The following B3GAT2 variants were observed in gnomAD, a reference collection of about 807,000 sequenced individuals.
B3GAT2 encodes the protein galactosylgalactosylxylosylprotein 3-beta-glucuronosyltransferase 2.
Under a neutral mutation model 27.8 loss-of-function variants are expected in B3GAT2, and 26 were observed. That is an observed-to-expected ratio of 0.93 (90% CI 0.68 to 1.30). The LOEUF (loss-of-function observed/expected upper bound fraction) is 1.30. Among genes scored for constraint, B3GAT2 ranks in the 50% most tolerant of loss-of-function variants. B3GAT2 has a pLI of 0.00. For missense variants in B3GAT2, 458 were observed against 459.0 expected, an observed-to-expected ratio of 1.00 and a Z score of 0.02; for synonymous variants, 218 against 195.1, an observed-to-expected ratio of 1.12 and a Z score of -0.98.
At chr6:70,926,805 A>G (rs1475999594) in intron 1 of B3GAT2, among the ~76,000 whole-genome samples, 1 of 152,218 alleles carries the variant, frequency 6.6e-6, no homozygotes, top group East Asian at 1.9e-4. Flanking sequence ...GCCAACATTC[A>G]AATTCAGGAA....
In B3GAT2 at chr6:70,956,434, C is replaced by A. The variant is rs778009460; in HGVS notation, c.-5G>T. 49 of 1,550,918 alleles carry A rather than the reference C, an allele frequency of 3.2e-5. No homozygotes were observed. Among genetic ancestry groups the A allele is most frequent in the Non-Finnish European group, 8.7e-7 (1 of 1,146,828 alleles). ...GGTGAAAAGCGCGGACTTCATGGTGCACGCTCCCTGGCCTCTCGGACACCC... is the reference window on the plus strand; with the variant it reads ...GGTGAAAAGCGCGGACTTCATGGTGAACGCTCCCTGGCCTCTCGGACACCC... On this transcript the variant is annotated 5_prime_UTR_variant, in exon 1 of 4. Transcript: ENST00000230053.
intron 2 of B3GAT2, among the ~76,000 whole-genome samples, chr6:70,863,252 C>G (rs921092295): frequency 1.3e-5 from 2 of 152,136 alleles, no homozygotes; most frequent in Admixed American, 6.5e-5. Context: ...ATTCAGTTTG[C>G]AAAGTAATAC....
chr6:70,926,216 C>T (rs1216074412), intron 1 of B3GAT2, among the ~76,000 whole-genome samples: 25 of 152,086 alleles, frequency 1.6e-4, no homozygotes, highest in East Asian at 1.3e-3. Context: ...CACAAAGATG[C>T]GGAGAAAACA....
At position 70,894,158 on chromosome 6, in the gene B3GAT2, C is replaced by T; in HGVS notation, c.706G>A (p.Ala236Thr). Residue 236 changes from alanine (A) to threonine (T), a missense_variant, in exon 2 of 4, where the codon GCA becomes ACA. Ala to Thr is a moderately conservative substitution (Grantham distance 58). Coordinates refer to ENST00000230053, the MANE Select transcript of B3GAT2 (RefSeq NM_080742.3). ...KVVGWYTGWR[A>T]DRPFAIDMAG... ...ATGTCGATGGCAAAAGGCCTGTCTG[C>T]TCTCCAGCCGGTGTACCAGCCAACA... 1.2e-6 allele frequency: 2 copies of T among 1,613,236 alleles called. No homozygotes were observed. Among genetic ancestry groups the T allele is most frequent in the Non-Finnish European group, 1.7e-6 (2 of 1,179,496 alleles).
In B3GAT2 at chr6:70,860,337, A is replaced by C. The variant is rs1562209116; in HGVS notation, c.*1326T>G. On this transcript the variant is annotated 3_prime_UTR_variant, in exon 4 of 4. Transcript: ENST00000230053. Reference sequence around the variant, plus strand: ...TCAGCACACAACTGTGGAAATGAAAACTGCAATACAAGTTTCATCCAGAAC... The same window carrying C: ...TCAGCACACAACTGTGGAAATGAAACCTGCAATACAAGTTTCATCCAGAAC... 2 of 1,603,946 alleles carry C rather than the reference A, an allele frequency of 1.2e-6. No homozygotes were observed. The highest frequency in any genetic ancestry group is 1.7e-6 in the Non-Finnish European group (2 of 1,176,236).
intron 1 of B3GAT2, among the ~76,000 whole-genome samples, chr6:70,930,561 T>C (rs1044580365): frequency 4.6e-5 from 7 of 150,920 alleles, no homozygotes; most frequent in African/African-American, 1.5e-4. Flanking sequence ...TCAAAAGACA[T>C]GCAGCCAACA....
rs138939993 is a variant in B3GAT2 at position 70,866,721 on chromosome 6, A to C, written c.737-4743T>G. The stretch of plus-strand genomic sequence containing the variant: ...AGTCAAAGGTGAATGAATGAGGGAG[A>C]CAGGGAAAAAAATTTGAAGAAATGA... On this transcript the variant is annotated intron_variant, in intron 2 of 3. Coordinates refer to ENST00000230053, the MANE Select transcript of B3GAT2 (RefSeq NM_080742.3). 5.1e-3 allele frequency among the ~76,000 whole-genome samples: 780 copies of C among 152,344 alleles called. 2 individuals are homozygous for C. Among genetic ancestry groups the C allele is most frequent in the African/African-American group, 0.018 (752 of 41,580 alleles).
intron 1 of B3GAT2, among the ~76,000 whole-genome samples, chr6:70,928,205 A>G (rs1252019139): frequency 6.6e-6 from 1 of 152,206 alleles, no homozygotes; most frequent in Non-Finnish European, 1.5e-5. Context: ...GGAAATTTAT[A>G]GCACTAAATG....
chr6:70,955,781 G>T, intron 1 of B3GAT2, 58 bp downstream of exon 1: 1 of 1,488,558 alleles, frequency 6.7e-7, no homozygotes, highest in Non-Finnish European at 8.9e-7. Flanking sequence ...CTGCAGCCCG[G>T]CCGGCCCGGA....
chr6:70,931,897 C>T lies in B3GAT2; in HGVS notation c.591+23942G>A, dbSNP rs535213487. ...ACATATCTGATAAGTGACTAATATC[C>T]AAAATATCTAAAGAATTCCTAAAAA... On this transcript the variant is annotated intron_variant, in intron 1 of 3. Coordinates refer to ENST00000230053, the MANE Select transcript of B3GAT2 (RefSeq NM_080742.3). 2.6e-5 allele frequency among the ~76,000 whole-genome samples: 4 copies of T among 152,104 alleles called. No individual in the cohort carries two copies. In the East Asian group the frequency reaches 7.7e-4, roughly 29 times the overall value.
Position 70,878,580 on chromosome 6 carries a change from G to C in B3GAT2, c.736+15548C>G, listed in dbSNP as rs1444730559. The stretch of plus-strand genomic sequence containing the variant: ...TTATATGAGATATAGCTTTGCTGCT[G>C]TGTTTTATTTAGAGCAATTTAATTT... On this transcript the variant is annotated intron_variant, in intron 2 of 3. Transcript: ENST00000230053. 3.3e-5 allele frequency among the ~76,000 whole-genome samples: 5 copies of C among 150,002 alleles called. No individual in the cohort carries two copies. In the South Asian group the frequency reaches 1.0e-3, roughly 31 times the overall value.
chr6:70,940,965 G>T, intron 1 of B3GAT2, among the ~76,000 whole-genome samples: 1 of 152,100 alleles, frequency 6.6e-6, no homozygotes, highest in East Asian at 1.9e-4. Context: ...ACCCACAGGA[G>T]AACACCCTTC....
At chr6:70,907,429 A>G (rs972341152) in intron 1 of B3GAT2, among the ~76,000 whole-genome samples, 1 of 152,180 alleles carries the variant, frequency 6.6e-6, no homozygotes, top group African/African-American at 2.4e-5. Flanking sequence ...GAGCATTGGA[A>G]AGACTTCAGG....
intron 2 of B3GAT2, among the ~76,000 whole-genome samples, chr6:70,862,735 C>G (rs1771781432): frequency 6.6e-6 from 1 of 152,072 alleles, no homozygotes; most frequent in South Asian, 2.1e-4. Flanking sequence ...TTTGGGAGGC[C>G]AAGGCAGAAG....
chr6:70,939,650 A>AAAAACCAACACCGC (rs1360699785), intron 1 of B3GAT2, among the ~76,000 whole-genome samples: 1 of 151,968 alleles, frequency 6.6e-6, no homozygotes, highest in Non-Finnish European at 1.5e-5. Context: ...TGCAAGGACA[A>AAAAACCAACACCGC]AAAACCAACA....
At chr6:70,900,649 G>A (rs554334037) in intron 1 of B3GAT2, among the ~76,000 whole-genome samples, 19 of 152,278 alleles carry the variant, frequency 1.2e-4, no homozygotes, top group East Asian at 3.9e-4. Flanking sequence ...TTTCTGCTAC[G>A]TTCTTTTCGA....
chr6:70,951,066 A>G (rs1404547818), intron 1 of B3GAT2, among the ~76,000 whole-genome samples: 2 of 152,180 alleles, frequency 1.3e-5, no homozygotes, highest in African/African-American at 4.8e-5. Flanking sequence ...AGCTCCATGC[A>G]AAACTTAAAT....
chr6:70,943,428 C>T (rs1342414855), intron 1 of B3GAT2, among the ~76,000 whole-genome samples: 3 of 152,146 alleles, frequency 2.0e-5, no homozygotes. Flanking sequence ...TGGCTCAGGC[C>T]CCCAGCTCCT....
In B3GAT2 at chr6:70,860,574, G is replaced by A. The variant is rs1339291524; in HGVS notation, c.*1089C>T. ...CATATTTCCCATGATTTCATGTACT[G>A]CATTATTTGAGAAGCTGCTCAACTT... On this transcript the variant is annotated 3_prime_UTR_variant, in exon 4 of 4. Coordinates refer to ENST00000230053, the MANE Select transcript of B3GAT2 (RefSeq NM_080742.3). 9 of 439,770 alleles carry A rather than the reference G, an allele frequency of 2.0e-5. No individual in the cohort carries two copies. Among genetic ancestry groups the A allele is most frequent in the African/African-American group, 1.0e-4 (5 of 49,408 alleles). The allele number at this position is 439,770 out of a possible 1,614,324, so 27.2% of individuals were successfully genotyped here. A position where few individuals can be genotyped will look rare whatever the true frequency, so the allele number is the denominator to read the frequency against.
Sources: allele counts gnomAD v4.1 joint callset (sites outside exome capture counted in the v4.1 genomes callset), GRCh38; gene constraint gnomAD v4.1.1; transcripts MANE v1.5; gene names NCBI Gene and HGNC (gene_info 2026-07-23, HGNC 2026-07-21).